The following CRACD variants were observed in gnomAD, a reference collection of about 807,000 sequenced individuals.
The protein encoded by CRACD is capping protein-inhibiting regulator of actin dynamics.
In CRACD, 56 loss-of-function variants were observed where a neutral mutation model predicts 106.8. The ratio of observed to expected loss-of-function variants is 0.52; its 90% CI spans 0.42 to 0.66. The LOEUF (loss-of-function observed/expected upper bound fraction) is 0.66, where lower values mean the gene tolerates loss of function less well. CRACD is among the 30% of genes least tolerant of loss of function. The pLI is 0.00. For missense variants in CRACD, 1,730 were observed against 1,623.2 expected, an observed-to-expected ratio of 1.07 and a Z score of -1.13; for synonymous variants, 754 against 670.8, an observed-to-expected ratio of 1.12 and a Z score of -1.92.
At chr4:56,138,393 G>A (rs1265354273) in intron 1 of CRACD, among the ~76,000 whole-genome samples, 1 of 152,080 alleles carries the variant, frequency 6.6e-6, no homozygotes, top group Non-Finnish European at 1.5e-5. Flanking sequence ...GAACTTGGGA[G>A]GCGGAAGTTG....
chr4:56,085,269 C>G (rs893405714), intron 1 of CRACD, among the ~76,000 whole-genome samples: 2 of 152,092 alleles, frequency 1.3e-5, no homozygotes, highest in East Asian at 3.8e-4. Flanking sequence ...ATTACTCTCC[C>G]GGGAGTCCTT....
chr4:56,279,796 T>A (rs1325659029), intron 3 of CRACD, among the ~76,000 whole-genome samples: 1 of 152,100 alleles, frequency 6.6e-6, no homozygotes, highest in Non-Finnish European at 1.5e-5. Context: ...TTACTGGGTA[T>A]ATACCCAAAG....
chr4:56,050,367 G>A (rs544705130), intron 1 of CRACD, among the ~76,000 whole-genome samples: 14 of 150,456 alleles, frequency 9.3e-5, no homozygotes, highest in African/African-American at 3.4e-4. Context: ...GAATACAAAG[G>A]ATAAGGCAGT....
intron 1 of CRACD, among the ~76,000 whole-genome samples, chr4:56,125,693 A>T (rs1255419816): frequency 6.6e-6 from 1 of 151,632 alleles, no homozygotes; most frequent in East Asian, 1.9e-4. Flanking sequence ...TTGGGATTAC[A>T]GGTGTGAGCC....
intron 2 of CRACD, among the ~76,000 whole-genome samples, chr4:56,202,761 T>C (rs1412080265): frequency 3.3e-5 from 5 of 152,226 alleles, no homozygotes; most frequent in African/African-American, 4.8e-5. Flanking sequence ...AAATAACTTT[T>C]ATTTTTTCTA....
intron 1 of CRACD, among the ~76,000 whole-genome samples, chr4:56,109,098 G>A (rs1255212136): frequency 2.0e-5 from 3 of 152,154 alleles, no homozygotes; most frequent in African/African-American, 4.8e-5. Flanking sequence ...TGGCATTACC[G>A]CTTGACCAAG....
chr4:56,107,957 C>G (rs34552342), intron 1 of CRACD, among the ~76,000 whole-genome samples: 1 of 152,128 alleles, frequency 6.6e-6, no homozygotes, highest in Admixed American at 6.5e-5. Flanking sequence ...ACACTGTGTA[C>G]GCAGATCCCA....
chr4:56,285,307 G>A (rs531138401), intron 3 of CRACD, among the ~76,000 whole-genome samples: 48 of 152,312 alleles, frequency 3.2e-4, no homozygotes, highest in Non-Finnish European at 6.2e-4. Flanking sequence ...GGTAAGAACC[G>A]AATTTCGAGA....
chr4:56,250,472 A>C (rs1420313603), intron 2 of CRACD, among the ~76,000 whole-genome samples: 2 of 152,226 alleles, frequency 1.3e-5, no homozygotes, highest in African/African-American at 4.8e-5. Context: ...TTAACAGATT[A>C]TGGAACTTGC....
rs969834515 is a variant in CRACD, at chr4:56,200,303, A to C, written c.-189+20873A>C. Among the ~76,000 whole-genome samples, 5 of 152,316 alleles carry C rather than the reference A, an allele frequency of 3.3e-5. No individual in the cohort carries two copies. The East Asian group carries it at 9.6e-4, about 29-fold the overall frequency. On this transcript the variant is annotated intron_variant, in intron 2 of 10. Transcript: ENST00000682029. ...TTTTTATATGAAACAGTTCAACACA[A>C]TGAAATCTTCACTAATCATCAGTTG...
intron 4 of CRACD, among the ~76,000 whole-genome samples, chr4:56,298,754 G>A (rs1439591113): frequency 1.3e-5 from 2 of 152,086 alleles, no homozygotes; most frequent in East Asian, 1.9e-4. Context: ...GCAACATGGC[G>A]AAACACTGTC....
intron 1 of CRACD, among the ~76,000 whole-genome samples, chr4:56,055,334 C>A (rs541092818): frequency 1.3e-5 from 2 of 151,768 alleles, no homozygotes; most frequent in African/African-American, 4.8e-5. Flanking sequence ...GAATAATCAG[C>A]GAAAATTCTT....
At chr4:56,078,837 G>T (rs973846100) in intron 1 of CRACD, among the ~76,000 whole-genome samples, 1 of 152,218 alleles carries the variant, frequency 6.6e-6, no homozygotes. Context: ...TATGGATAAA[G>T]GGTGTCTCTT....
intron 2 of CRACD, among the ~76,000 whole-genome samples, chr4:56,252,425 G>A (rs1459251714): frequency 6.6e-6 from 1 of 152,154 alleles, no homozygotes; most frequent in African/African-American, 2.4e-5. Context: ...ATTGTGAAAA[G>A]CAGCATACTC....
intron 2 of CRACD, among the ~76,000 whole-genome samples, chr4:56,227,725 TG>T: frequency 6.6e-6 from 1 of 152,122 alleles, no homozygotes. Flanking sequence ...AAAACAAATA[TG>T]GGCCACACTT....
intron 8 of CRACD, among the ~76,000 whole-genome samples, 163 bp from the exon 9 acceptor site, chr4:56,323,214 C>T (rs1746213520): frequency 6.6e-6 from 1 of 152,116 alleles, no homozygotes; most frequent in African/African-American, 2.4e-5. Flanking sequence ...TACCTTCCCA[C>T]CCAGTGGAGC....
intron 2 of CRACD, among the ~76,000 whole-genome samples, chr4:56,191,382 T>C (rs1737361176): frequency 6.6e-6 from 1 of 151,218 alleles, no homozygotes. Context: ...CCTCTCTCCC[T>C]CCCTCCCTTC....
intron 2 of CRACD, among the ~76,000 whole-genome samples, chr4:56,253,941 C>T (rs1358740639): frequency 1.3e-5 from 2 of 152,172 alleles, no homozygotes; most frequent in Non-Finnish European, 1.5e-5. Context: ...TCAGTGGTCA[C>T]TATTCAAAGA....
intron 4 of CRACD, among the ~76,000 whole-genome samples, chr4:56,306,062 C>T (rs1744672397): frequency 6.6e-6 from 1 of 152,116 alleles, no homozygotes; most frequent in Admixed American, 6.5e-5. Context: ...CCTTTTGAGC[C>T]ACTCATTCTT....
Sources: allele counts gnomAD v4.1 joint callset (sites outside exome capture counted in the v4.1 genomes callset), GRCh38; gene constraint gnomAD v4.1.1; transcripts MANE v1.5; gene names NCBI Gene and HGNC (gene_info 2026-07-23, HGNC 2026-07-21).